The following ANKRD29 variants were observed in gnomAD, a reference collection of about 807,000 sequenced individuals.
ANKRD29 encodes ankyrin repeat domain-containing protein 29.
Under a neutral mutation model 38.0 loss-of-function variants are expected in ANKRD29, and 32 were observed. That is an observed-to-expected ratio of 0.84 (90% CI 0.64 to 1.13). The LOEUF (loss-of-function observed/expected upper bound fraction) is 1.13, where lower values mean the gene tolerates loss of function less well. Among genes scored for constraint, ANKRD29 ranks in the 50% most tolerant of loss-of-function variants. The pLI, the probability that ANKRD29 is intolerant of heterozygous loss-of-function variation, is 0.00. For missense variants in ANKRD29, 357 were observed against 377.9 expected (o/e 0.94, Z 0.46); for synonymous variants, 135 against 152.4 (o/e 0.89, Z 0.84).
chr18:23,628,122 A>C (rs1193425581), intron 6 of ANKRD29, among the ~76,000 whole-genome samples: 1 of 152,250 alleles, frequency 6.6e-6, no homozygotes, highest in Non-Finnish European at 1.5e-5. Flanking sequence ...TGAAGAGATC[A>C]TCAGGCTCAT....
chr18:23,619,164 GA>G (rs923370364), intron 7 of ANKRD29, among the ~76,000 whole-genome samples: 1 of 152,208 alleles, frequency 6.6e-6, no homozygotes, highest in African/African-American at 2.4e-5. Context: ...CTCCAGGGAG[GA>G]GGGGCAAGAG....
chr18:23,611,745 G>T (rs936543891), intron 9 of ANKRD29, among the ~76,000 whole-genome samples: 1 of 152,026 alleles, frequency 6.6e-6, no homozygotes, highest in Non-Finnish European at 1.5e-5. Context: ...CGTCCATGGG[G>T]AACCTGGTGC....
chr18:23,606,928 C>T (rs1172282846), intron 9 of ANKRD29, among the ~76,000 whole-genome samples: 1 of 152,114 alleles, frequency 6.6e-6, no homozygotes, highest in Non-Finnish European at 1.5e-5. Flanking sequence ...CAGGCAGTAT[C>T]GGGGATGGAG....
intron 1 of ANKRD29, among the ~76,000 whole-genome samples, chr18:23,655,988 G>A (rs1396687463): frequency 6.7e-6 from 1 of 149,712 alleles, no homozygotes; most frequent in East Asian, 2.0e-4. Flanking sequence ...AGCTACTCGG[G>A]AGGCTGAGGC....
At chr18:23,603,890 T>C in intron 9 of ANKRD29, among the ~76,000 whole-genome samples, 1 of 151,754 alleles carries the variant, frequency 6.6e-6, no homozygotes, top group Non-Finnish European at 1.5e-5. Context: ...TTGCCCAGGC[T>C]GGAGTGCAGT....
chr18:23,623,053 A>G (rs958382956), intron 6 of ANKRD29, among the ~76,000 whole-genome samples: 5 of 152,250 alleles, frequency 3.3e-5, no homozygotes, highest in African/African-American at 1.2e-4. Flanking sequence ...GAGATAAGTG[A>G]GAAAACATAT....
At position 23,619,593 on chromosome 18, in the gene ANKRD29, C is replaced by T; in HGVS notation, c.565G>A (p.Gly189Ser). 1 of 1,596,828 alleles carries T rather than the reference C, an allele frequency of 6.3e-7. No homozygotes were observed. Among genetic ancestry groups the T allele is most frequent in the Admixed American group, 1.7e-5 (1 of 59,706 alleles). ...ATCACCCGCACCACCTCGCTGTGGC[C>T]CATCTGGGACGCGATCCACAGGGGC... ...TAPLWIASQM[G>S]HSEVVRVMLL... The change falls in exon 7 of 10, where the codon GGC (glycine) becomes AGC (serine). Residue 189 changes from glycine to serine, a missense_variant. By Grantham distance (56) the Gly-to-Ser change is moderately conservative (BLOSUM62 0). Coordinates refer to ENST00000592179, the MANE Select transcript of ANKRD29 (RefSeq NM_173505.4).
At chr18:23,631,884 C>T (rs184359682) in intron 5 of ANKRD29, among the ~76,000 whole-genome samples, 300 of 152,306 alleles carry the variant, frequency 2.0e-3, no homozygotes, top group Non-Finnish European at 3.5e-3. Flanking sequence ...TGACAACATT[C>T]GCAGCGCAGG....
chr18:23,644,232 T>A (rs2060111867), intron 3 of ANKRD29, among the ~76,000 whole-genome samples: 1 of 152,244 alleles, frequency 6.6e-6, no homozygotes, highest in Admixed American at 6.5e-5. Context: ...ACTTCTCTCC[T>A]CTTCTAGCTG....
chr18:23,639,690 C>G (rs1483132257), intron 3 of ANKRD29, among the ~76,000 whole-genome samples: 3 of 152,074 alleles, frequency 2.0e-5, no homozygotes, highest in Non-Finnish European at 4.4e-5. Flanking sequence ...CGTGCACCCC[C>G]ACATCTGGCT....
chr18:23,637,181 C>T (rs2060013557), intron 4 of ANKRD29, among the ~76,000 whole-genome samples: 1 of 152,088 alleles, frequency 6.6e-6, no homozygotes, highest in African/African-American at 2.4e-5. Context: ...TTTTGACCTT[C>T]GTTCAAAGAG....
chr18:23,600,852 CTT>C lies in ANKRD29; in HGVS notation c.*372_*373del. On this transcript the variant is annotated 3_prime_UTR_variant, in exon 10 of 10. Transcript: ENST00000592179. ...ATCCATTGAAGGTCAGCTTTTCAGT[CTT>C]TTAAAGGAACAAAGCATTCTGTCTC... The C allele has an allele frequency of 6.2e-6, 1 of 161,950 alleles. No individual in the cohort carries two copies. The highest frequency in any genetic ancestry group is 1.8e-4 in the South Asian group (1 of 5,502). 10.0% of individuals were successfully genotyped at this position (161,950 alleles called of 1,614,324 possible).
intron 9 of ANKRD29, among the ~76,000 whole-genome samples, chr18:23,610,244 G>A (rs766629879): frequency 9.9e-5 from 15 of 152,166 alleles, no homozygotes; most frequent in Middle Eastern, 3.4e-3. Flanking sequence ...TTGGGAGGCC[G>A]AGGGGGGCGG....
chr18:23,604,118 A>C (rs974855552), intron 9 of ANKRD29, among the ~76,000 whole-genome samples: 10 of 152,182 alleles, frequency 6.6e-5, no homozygotes, highest in African/African-American at 2.4e-4. Context: ...CTGGGATTAC[A>C]GGTGTGAGCC....
At chr18:23,613,500 T>A (rs2059671217) in intron 8 of ANKRD29, among the ~76,000 whole-genome samples, 1 of 152,036 alleles carries the variant, frequency 6.6e-6, no homozygotes, top group Non-Finnish European at 1.5e-5. Flanking sequence ...AAAAAAGAGC[T>A]ATTTGAAACA....
chr18:23,638,795 C>A (rs1472084300), intron 4 of ANKRD29, 54 bp downstream of exon 4: 1 of 1,417,306 alleles, frequency 7.1e-7, no homozygotes, highest in Non-Finnish European at 9.8e-7. Context: ...AAAAGCAATA[C>A]CCATGGCTGC....
At chr18:23,633,194 T>G (rs185852280) in intron 5 of ANKRD29, among the ~76,000 whole-genome samples, 218 of 152,350 alleles carry the variant, frequency 1.4e-3, no homozygotes, top group African/African-American at 5.1e-3. Context: ...TGGGTGATGA[T>G]GTACTAATTG....
chr18:23,617,767 A>T lies in ANKRD29; in HGVS notation c.688T>A (p.Leu230Met). 6.2e-7 allele frequency: 1 copy of T among 1,614,018 alleles called. No homozygotes were observed. The highest frequency in any genetic ancestry group is 8.5e-7 in the Non-Finnish European group (1 of 1,179,974). ...NKGYNDVIKE[L>M]LKFSPTLGIL... ...CCAAGAGTGGGTGAGAATTTAAGCA[A>T]CTCTTTTATGACATCATTATACCCT... The change falls in exon 8 of 10, where the codon TTG (leucine) becomes ATG (methionine). Residue 230 changes from leucine (L) to methionine (M), a missense_variant. Physicochemically the swap from Leu to Met is conservative, Grantham distance 15. Coordinates refer to ENST00000592179, the MANE Select transcript of ANKRD29 (RefSeq NM_173505.4).
chr18:23,639,383 T>C (rs12959494), intron 3 of ANKRD29, among the ~76,000 whole-genome samples: 1 of 152,014 alleles, frequency 6.6e-6, no homozygotes, highest in Non-Finnish European at 1.5e-5. Flanking sequence ...AAGCAAAATG[T>C]GATGTATCCA....
Sources: allele counts gnomAD v4.1 joint callset (sites outside exome capture counted in the v4.1 genomes callset), GRCh38; gene constraint gnomAD v4.1.1; transcripts MANE v1.5; gene names NCBI Gene and HGNC (gene_info 2026-07-23, HGNC 2026-07-21).